ESF1: variants seen among roughly 807,000 people sequenced by gnomAD.
ESF1 encodes the protein ESF1 nucleolar pre-rRNA processing protein, also known as ESF1 homolog.
A neutral mutation model predicts 92.0 loss-of-function variants in ESF1; 58 were observed. That is an observed-to-expected ratio of 0.63 (90% CI 0.51 to 0.78). ESF1 has a LOEUF of 0.78. ESF1 is among the 30% of genes least tolerant of loss of function. The probability of loss-of-function intolerance (pLI) is 0.00; values close to 1 mark genes in which losing one functional copy is unlikely to be tolerated. For synonymous variants in ESF1, 321 were observed against 313.7 expected (o/e 1.02, Z -0.24); for missense variants, 922 against 989.1 (o/e 0.93, Z 0.91).
At chr20:13,755,746 AGTT>A (rs1181482348) in intron 9 of ESF1, among the ~76,000 whole-genome samples, 10 of 152,186 alleles carry the variant, frequency 6.6e-5, no homozygotes, top group Non-Finnish European at 1.2e-4. Context: ...AGCTCATTCC[AGTT>A]GTTATGCCCA....
intron 8 of ESF1, 66 bp downstream of exon 8, chr20:13,766,711 G>T: frequency 6.6e-7 from 1 of 1,523,166 alleles, no homozygotes; most frequent in Non-Finnish European, 9.0e-7. Flanking sequence ...ACAGAATTTG[G>T]CTTTCCCTGT....
intron 9 of ESF1, among the ~76,000 whole-genome samples, chr20:13,750,197 A>T (rs901280607): frequency 2.6e-5 from 4 of 152,190 alleles, no homozygotes; most frequent in African/African-American, 7.2e-5. Flanking sequence ...CCAAAGATCT[A>T]CAGAGAAGTA....
At chr20:13,738,706 T>C (rs2049991963) in intron 9 of ESF1, among the ~76,000 whole-genome samples, 1 of 152,178 alleles carries the variant, frequency 6.6e-6, no homozygotes. Context: ...GTAAAAATTA[T>C]TATTAATGGG....
intron 10 of ESF1, among the ~76,000 whole-genome samples, chr20:13,730,955 G>A (rs1269999781): frequency 6.6e-6 from 1 of 151,988 alleles, no homozygotes; most frequent in African/African-American, 2.4e-5. Context: ...GAAAATTCTT[G>A]AAACTCTTCT....
At chr20:13,753,217 C>T (rs1282294567) in intron 9 of ESF1, among the ~76,000 whole-genome samples, 1 of 152,024 alleles carries the variant, frequency 6.6e-6, no homozygotes, top group African/African-American at 2.4e-5. Flanking sequence ...GTTCTACTCA[C>T]TAGTCAGTTA....
intron 8 of ESF1, among the ~76,000 whole-genome samples, chr20:13,762,008 T>C (rs537242143): frequency 1.3e-5 from 2 of 152,360 alleles, no homozygotes; most frequent in African/African-American, 4.8e-5. Context: ...ATTAAGCATT[T>C]AGCTGGGAAA....
chr20:13,733,899 A>C (rs2049960048), intron 9 of ESF1, 57 bp from the exon 10 acceptor site: 1 of 1,530,480 alleles, frequency 6.5e-7, no homozygotes, highest in Non-Finnish European at 8.7e-7. Flanking sequence ...GCAATCACTT[A>C]AACATATAAT....
At chr20:13,722,779 G>T (rs2049876510) in intron 11 of ESF1, among the ~76,000 whole-genome samples, 1 of 151,732 alleles carries the variant, frequency 6.6e-6, no homozygotes. Flanking sequence ...TTGAACCCAG[G>T]AGAGTTCGAG....
chr20:13,766,640 TAAAAAAA>T (rs1568725303), intron 8 of ESF1, 130 bp downstream of exon 8: 48 of 749,252 alleles, frequency 6.4e-5, no homozygotes, highest in Non-Finnish European at 8.9e-5. Flanking sequence ...AATTTTTTTT[TAAAAAAA>T]TCAATCACTA....
chr20:13,774,300 CT>C (rs1979826392), intron 4 of ESF1, among the ~76,000 whole-genome samples: 2 of 129,412 alleles, frequency 1.5e-5, no homozygotes, highest in Non-Finnish European at 3.4e-5. Context: ...AACTTTTTGA[CT>C]GTCAACGTGA....
At chr20:13,729,538 G>A (rs2049927651) in intron 10 of ESF1, among the ~76,000 whole-genome samples, 1 of 152,132 alleles carries the variant, frequency 6.6e-6, no homozygotes, top group African/African-American at 2.4e-5. Context: ...GATGGGAGGT[G>A]GCATTTTCTC....
chr20:13,741,447 G>A (rs980339182), intron 9 of ESF1, among the ~76,000 whole-genome samples: 2 of 152,078 alleles, frequency 1.3e-5, no homozygotes, highest in African/African-American at 2.4e-5. Flanking sequence ...ACTGGTCTAG[G>A]GATAGGCAGA....
intron 8 of ESF1, among the ~76,000 whole-genome samples, chr20:13,765,033 G>A (rs1403490789): frequency 6.6e-6 from 1 of 152,094 alleles, no homozygotes; most frequent in African/African-American, 2.4e-5. Context: ...GACCAGCCTG[G>A]CCAACATGGT....
chr20:13,724,308 A>T (rs915362710), intron 11 of ESF1, among the ~76,000 whole-genome samples: 8 of 64,392 alleles, frequency 1.2e-4, no homozygotes, highest in African/African-American at 4.7e-4. Context: ...AAAATAAATA[A>T]ATAAAATAAA....
intron 7 of ESF1, among the ~76,000 whole-genome samples, chr20:13,768,789 G>A (rs748593310): frequency 6.0e-5 from 9 of 150,618 alleles, no homozygotes; most frequent in South Asian, 2.1e-4. Context: ...CCCAGCTACC[G>A]GGGAGGCTGT....
chr20:13,717,305 CT>C (rs1164386707), intron 13 of ESF1, 62 bp downstream of exon 13: 3 of 1,582,948 alleles, frequency 1.9e-6, no homozygotes, highest in Admixed American at 3.4e-5. Context: ...CAATTTCTAT[CT>C]GCAGAGCTGA....
In ESF1 at chr20:13,771,499, C is replaced by G; in HGVS notation, c.1251-16G>C. 1.2e-6 allele frequency: 2 copies of G among 1,603,222 alleles called. No individual in the cohort carries two copies. Among genetic ancestry groups the G allele is most frequent in the Non-Finnish European group, 8.5e-7 (1 of 1,174,038 alleles). The stretch of plus-strand genomic sequence containing the variant: ...TCTAGACGTCCTAAAGTGGGAAAAA[C>G]TTATTAAGCATACTTATACAGAAAC... On this transcript the variant is annotated splice_polypyrimidine_tract_variant and intron_variant, in intron 5 of 13. Transcript: ENST00000617257.
At chr20:13,780,871 CCAAA>C (rs1309703222) in intron 2 of ESF1, among the ~76,000 whole-genome samples, 4 of 152,196 alleles carry the variant, frequency 2.6e-5, no homozygotes, top group African/African-American at 7.2e-5. Flanking sequence ...TCACCTAGTT[CCAAA>C]CAATCATTTC....
intron 9 of ESF1, among the ~76,000 whole-genome samples, chr20:13,742,515 A>G (rs1263793504): frequency 6.6e-6 from 1 of 152,122 alleles, no homozygotes; most frequent in African/African-American, 2.4e-5. Flanking sequence ...CTTATGACTC[A>G]GCAATTATAC....
Sources: allele counts gnomAD v4.1 joint callset (sites outside exome capture counted in the v4.1 genomes callset), GRCh38; gene constraint gnomAD v4.1.1; transcripts MANE v1.5; gene names NCBI Gene and HGNC (gene_info 2026-07-23, HGNC 2026-07-21).